TLE4: variants seen among roughly 807,000 people sequenced by gnomAD.
The protein encoded by TLE4 is TLE family member 4, transcriptional corepressor, also known as transducin-like enhancer protein 4.
TLE4 carries 8 observed loss-of-function variants against 92.8 expected under a neutral mutation model. The observed-to-expected ratio is 0.09, with a 90% confidence interval of 0.05 to 0.16. The LOEUF (loss-of-function observed/expected upper bound fraction) is 0.16, where lower values mean the gene tolerates loss of function less well. Ranked by LOEUF, TLE4 falls within the 10% of genes least tolerant of loss-of-function variation. The probability of loss-of-function intolerance (pLI) is 1.00; values close to 1 mark genes in which losing one functional copy is unlikely to be tolerated. For missense variants in TLE4, 675 were observed against 997.6 expected (o/e 0.68, Z 4.36); for synonymous variants, 371 against 374.1 (o/e 0.99, Z 0.10).
At position 79,706,840 on chromosome 9, in the gene TLE4, C is replaced by G; in HGVS notation, c.877C>G (p.Pro293Ala). The G allele has an allele frequency of 6.2e-7, 1 of 1,614,192 alleles. No individual in the cohort carries two copies. The highest frequency in any genetic ancestry group is 8.5e-7 in the Non-Finnish European group (1 of 1,180,046). ...GCTCAAGAAAGATGCCCCGATTAGT[C>G]CAGCCTCTATTGCATCTTCCAGCAG... ...RLLKKDAPISPASIASSSSTP... is the reference protein window; with the variant it reads ...RLLKKDAPISAASIASSSSTP... Residue 293 changes from proline to alanine, a missense_variant, in exon 11 of 20, where the codon CCA becomes GCA. Physicochemically the swap from Pro to Ala is conservative, Grantham distance 27 (BLOSUM62 -1). Transcript: ENST00000376552.
chr9:79,598,839 TC>T (rs898595950), intron 4 of TLE4, among the ~76,000 whole-genome samples: 45 of 151,412 alleles, frequency 3.0e-4, no homozygotes, highest in African/African-American at 9.2e-4. Flanking sequence ...TATTTGATCT[TC>T]CCCCCCCAGA....
intron 4 of TLE4, among the ~76,000 whole-genome samples, chr9:79,592,154 TCTTC>T (rs1385811244): frequency 5.7e-4 from 84 of 147,228 alleles, no homozygotes; most frequent in African/African-American, 2.1e-3. Context: ...TCTTCTTTCT[TCTTC>T]TTCTTCTTCT....
chr9:79,583,011 A>G (rs2132072998), intron 4 of TLE4, among the ~76,000 whole-genome samples: 1 of 152,276 alleles, frequency 6.6e-6, no homozygotes, highest in South Asian at 2.1e-4. Flanking sequence ...CTAAAGAGGA[A>G]GGGCCTCAGA....
At position 79,706,911 on chromosome 9, in the gene TLE4, C is replaced by G; in HGVS notation, c.936+12C>G. On this transcript the variant is annotated intron_variant, in intron 11 of 19. Coordinates refer to ENST00000376552, the MANE Select transcript of TLE4 (RefSeq NM_007005.6). Reference sequence around the variant, plus strand: ...AAGAACTTAGCCTTGTAAGCAGCTCCTTACCATCTCTCTGAGTGTGGCCTC... The same window carrying G: ...AAGAACTTAGCCTTGTAAGCAGCTCGTTACCATCTCTCTGAGTGTGGCCTC... The G allele has an allele frequency of 1.2e-6, 2 of 1,613,106 alleles. No individual in the cohort carries two copies. Among genetic ancestry groups the G allele is most frequent in the Non-Finnish European group, 1.7e-6 (2 of 1,179,544 alleles).
intron 4 of TLE4, among the ~76,000 whole-genome samples, chr9:79,585,863 CAGTG>C (rs1463828524): frequency 2.0e-5 from 3 of 152,038 alleles, no homozygotes; most frequent in Non-Finnish European, 2.9e-5. Flanking sequence ...TGGATGAACA[CAGTG>C]AGACGCAGAT....
At chr9:79,591,250 G>A (rs921605958) in intron 4 of TLE4, among the ~76,000 whole-genome samples, 12 of 152,278 alleles carry the variant, frequency 7.9e-5, no homozygotes, top group South Asian at 6.2e-4. Context: ...ATGCTGTTAC[G>A]GAGGAGGTGG....
chr9:79,685,890 A>G (rs1179914230), intron 8 of TLE4, among the ~76,000 whole-genome samples: 2 of 152,176 alleles, frequency 1.3e-5, no homozygotes, highest in South Asian at 2.1e-4. Context: ...GTGATTCACA[A>G]ATTGACTCCC....
intron 16 of TLE4, among the ~76,000 whole-genome samples, chr9:79,721,252 A>G (rs1236824031): frequency 1.3e-5 from 2 of 152,106 alleles, no homozygotes; most frequent in African/African-American, 2.4e-5. Context: ...CAGGTGCCTT[A>G]CTTGAGAGCC....
chr9:79,719,981 G>A, intron 15 of TLE4, 65 bp from the exon 16 acceptor site: 1 of 1,536,450 alleles, frequency 6.5e-7, no homozygotes, highest in Admixed American at 1.9e-5. Flanking sequence ...ATGGATTTCT[G>A]CTCTCATGTT....
At chr9:79,716,334 G>A (rs944480711) in intron 14 of TLE4, among the ~76,000 whole-genome samples, 18 of 152,134 alleles carry the variant, frequency 1.2e-4, no homozygotes, top group African/African-American at 4.1e-4. Flanking sequence ...TCAGCTCTCC[G>A]CGCATATGCT....
At position 79,678,319 on chromosome 9, in the gene TLE4, T is replaced by C. The variant is rs193168574; in HGVS notation, c.609+24244T>C. 9.9e-4 allele frequency among the ~76,000 whole-genome samples: 151 copies of C among 152,270 alleles called. 1 individual carries two copies. The highest frequency in any genetic ancestry group is 1.4e-3 in the Non-Finnish European group (94 of 68,008). ...CTTTGTAGATGTTAATCTATGTACA[T>C]TGTATTTGAGTAAATGTCCTTGTTT... On this transcript the variant is annotated intron_variant, in intron 8 of 19. Coordinates refer to ENST00000376552, the MANE Select transcript of TLE4 (RefSeq NM_007005.6).
At chr9:79,701,429 A>G (rs894266413) in intron 8 of TLE4, among the ~76,000 whole-genome samples, 1 of 152,236 alleles carries the variant, frequency 6.6e-6, no homozygotes, top group Non-Finnish European at 1.5e-5. Context: ...AAATCTAAAT[A>G]GGCATTACCT....
At chr9:79,657,418 T>C (rs778612456) in intron 8 of TLE4, among the ~76,000 whole-genome samples, 5 of 152,110 alleles carry the variant, frequency 3.3e-5, no homozygotes, top group Admixed American at 6.6e-5. Context: ...ACCAAGGAAA[T>C]GTTTTCTGAG....
intron 19 of TLE4, among the ~76,000 whole-genome samples, chr9:79,724,566 C>T (rs1033178652): frequency 7.9e-5 from 12 of 151,982 alleles, no homozygotes; most frequent in Admixed American, 3.3e-4. Flanking sequence ...GAAAGTGCCA[C>T]GTGGTGGCTC....
chr9:79,665,595 T>G (rs1240629931), intron 8 of TLE4, among the ~76,000 whole-genome samples: 2 of 152,214 alleles, frequency 1.3e-5, no homozygotes, highest in Admixed American at 6.5e-5. Context: ...AACATGAACC[T>G]TTAGCAAACA....
chr9:79,628,763 C>T (rs559165360), intron 6 of TLE4, among the ~76,000 whole-genome samples: 43 of 151,898 alleles, frequency 2.8e-4, no homozygotes, highest in Admixed American at 1.1e-3. Context: ...GGGGAAGGGA[C>T]GGATAGTAGA....
intron 6 of TLE4, among the ~76,000 whole-genome samples, chr9:79,647,911 A>G (rs1015711931): frequency 6.6e-6 from 1 of 151,756 alleles, no homozygotes; most frequent in Non-Finnish European, 1.5e-5. Context: ...CCACCGAGAA[A>G]GTAGGCAGGA....
chr9:79,579,557 T>C, intron 4 of TLE4, among the ~76,000 whole-genome samples: 1 of 152,220 alleles, frequency 6.6e-6, no homozygotes, highest in Non-Finnish European at 1.5e-5. Flanking sequence ...TCATTTGAAT[T>C]TTAGTAATCA....
intron 8 of TLE4, among the ~76,000 whole-genome samples, chr9:79,695,043 A>T (rs185910599): frequency 4.7e-4 from 72 of 152,298 alleles, no homozygotes; most frequent in African/African-American, 1.3e-3. Flanking sequence ...AAGGAAAGGG[A>T]TAACCTGTTG....
Sources: allele counts gnomAD v4.1 joint callset (sites outside exome capture counted in the v4.1 genomes callset), GRCh38; gene constraint gnomAD v4.1.1; transcripts MANE v1.5; gene names NCBI Gene and HGNC (gene_info 2026-07-23, HGNC 2026-07-21).